SLC35D4: variants seen among roughly 807,000 people sequenced by gnomAD.
The protein encoded by SLC35D4 is solute carrier family 35 member D4.
the SLC35D4 span, among the ~76,000 whole-genome samples, chr18:23,427,779 C>A: frequency 2.0e-5 from 3 of 151,592 alleles, no homozygotes; most frequent in Non-Finnish European, 2.9e-5. Flanking sequence ...CAAATGTCCA[C>A]CAATGATAGA....
chr18:23,425,505 C>T, the SLC35D4 span, among the ~76,000 whole-genome samples: 1 of 152,194 alleles, frequency 6.6e-6, no homozygotes, highest in South Asian at 2.1e-4. Context: ...ATTGAATACA[C>T]ATAACCTACT....
At chr18:23,361,865 C>T in the SLC35D4 span, among the ~76,000 whole-genome samples, 2 of 152,222 alleles carry the variant, frequency 1.3e-5, no homozygotes, top group Non-Finnish European at 2.9e-5. Flanking sequence ...TCCCCCAATA[C>T]ATTTTCTTAT....
the SLC35D4 span, among the ~76,000 whole-genome samples, chr18:23,396,797 C>T: frequency 5.3e-5 from 8 of 151,550 alleles, no homozygotes; most frequent in African/African-American, 1.5e-4. Flanking sequence ...TGCTGGTCCT[C>T]GAGAAGATAA....
chr18:23,293,639 C>T, the SLC35D4 span, among the ~76,000 whole-genome samples: 1 of 152,278 alleles, frequency 6.6e-6, no homozygotes, highest in East Asian at 1.9e-4. Context: ...GCTCAGTGGT[C>T]TGGATGTGGG....
At chr18:23,256,723 G>A in the SLC35D4 span, among the ~76,000 whole-genome samples, 1 of 152,128 alleles carries the variant, frequency 6.6e-6, no homozygotes, top group Non-Finnish European at 1.5e-5. Context: ...GACCTCAAGT[G>A]ATCCACCCAC....
chr18:23,325,843 G>A, the SLC35D4 span, among the ~76,000 whole-genome samples: 3 of 152,204 alleles, frequency 2.0e-5, no homozygotes, highest in African/African-American at 4.8e-5. Flanking sequence ...CCCACCCCGT[G>A]TGGGTACAGC....
the SLC35D4 span, among the ~76,000 whole-genome samples, chr18:23,312,273 G>T: frequency 1.3e-5 from 2 of 152,242 alleles, no homozygotes; most frequent in South Asian, 2.1e-4. Flanking sequence ...CCTGTCTGCC[G>T]TGAGATAGAT....
the SLC35D4 span, among the ~76,000 whole-genome samples, chr18:23,282,079 G>A: frequency 2.0e-5 from 3 of 152,240 alleles, no homozygotes; most frequent in Admixed American, 6.5e-5. Context: ...TGGCCCAGGT[G>A]AGTGGTGCCT....
At chr18:23,411,808 G>A in the SLC35D4 span, among the ~76,000 whole-genome samples, 1 of 152,248 alleles carries the variant, frequency 6.6e-6, no homozygotes, top group East Asian at 1.9e-4. Flanking sequence ...CTGTTGGCAC[G>A]GTTTACAAAA....
At chr18:23,413,419 C>T in the SLC35D4 span, among the ~76,000 whole-genome samples, 1 of 152,226 alleles carries the variant, frequency 6.6e-6, no homozygotes, top group Non-Finnish European at 1.5e-5. Context: ...AAGGCCACTG[C>T]TCTCCTTCCC....
the SLC35D4 span, among the ~76,000 whole-genome samples, chr18:23,386,284 T>C: frequency 3.9e-5 from 6 of 152,110 alleles, no homozygotes; most frequent in African/African-American, 1.4e-4. Flanking sequence ...TCCTGGATTA[T>C]TGGGTGGGCC....
the SLC35D4 span, among the ~76,000 whole-genome samples, chr18:23,398,226 G>T: frequency 6.6e-6 from 1 of 152,242 alleles, no homozygotes; most frequent in East Asian, 1.9e-4. Context: ...AAAAGGACAC[G>T]AAGGAAATCA....
At chr18:23,303,070 T>C in the SLC35D4 span, among the ~76,000 whole-genome samples, 1 of 152,200 alleles carries the variant, frequency 6.6e-6, no homozygotes, top group Non-Finnish European at 1.5e-5. Context: ...TTCTGATCAG[T>C]TTAAAGTCCC....
the SLC35D4 span, among the ~76,000 whole-genome samples, chr18:23,260,749 G>A: frequency 1.3e-5 from 2 of 152,166 alleles, no homozygotes; most frequent in Non-Finnish European, 2.9e-5. Context: ...TCACCTCCCC[G>A]GGGCTGTTGG....
the SLC35D4 span, among the ~76,000 whole-genome samples, chr18:23,342,449 C>A: frequency 1.3e-5 from 2 of 151,734 alleles, no homozygotes; most frequent in Non-Finnish European, 2.9e-5. Flanking sequence ...TATATATATA[C>A]TATATCTTAT....
At chr18:23,300,192 C>T in the SLC35D4 span, among the ~76,000 whole-genome samples, 2 of 152,204 alleles carry the variant, frequency 1.3e-5, no homozygotes, top group South Asian at 2.1e-4. Context: ...GAAAGGGAGG[C>T]GTTCTTTTTG....
At chr18:23,347,775 C>T in the SLC35D4 span, among the ~76,000 whole-genome samples, 1 of 152,160 alleles carries the variant, frequency 6.6e-6, no homozygotes, top group Non-Finnish European at 1.5e-5. Flanking sequence ...GTCAATGTTG[C>T]TGATGTTTTC....
chr18:23,309,228 TTGTG>T, the SLC35D4 span, among the ~76,000 whole-genome samples: 25,444 of 145,542 alleles, frequency 0.17, 2,248 homozygotes, highest in Middle Eastern at 0.27. Context: ...AAAGGGCTGA[TTGTG>T]TGTGTGTGTG....
chr18:23,335,427 G>A, the SLC35D4 span, among the ~76,000 whole-genome samples: 301 of 152,248 alleles, frequency 2.0e-3, 1 homozygote, highest in African/African-American at 6.8e-3. Context: ...GCCATTGTCC[G>A]CCCTCTGGTT....
Sources: allele counts gnomAD v4.1 joint callset (sites outside exome capture counted in the v4.1 genomes callset), GRCh38; gene constraint gnomAD v4.1.1; transcripts MANE v1.5; gene names NCBI Gene and HGNC (gene_info 2026-07-23, HGNC 2026-07-21).